RTL4: variants seen among roughly 807,000 people sequenced by gnomAD.
The protein encoded by RTL4 is retrotransposon Gag like 4.
A neutral mutation model predicts 5.3 loss-of-function variants in RTL4; 4 were observed. The observed-to-expected ratio is 0.75, with a 90% CI of 0.37 to 1.72. RTL4 has a LOEUF of 1.72. Among genes scored for constraint, RTL4 ranks in the 40% most tolerant of loss-of-function variants. The pLI is 0.04. For synonymous variants in RTL4, 98 were observed against 87.3 expected (o/e 1.12, Z -0.68); for missense variants, 260 against 227.1 (o/e 1.14, Z -0.93).
chrX:112,424,006 C>T, the RTL4 span, among the ~76,000 whole-genome samples: 8 of 110,988 alleles, frequency 7.2e-5, no homozygotes, highest in East Asian at 2.8e-4. Context: ...TACTCAGTCC[C>T]GATTGCTGAA....
At chrX:112,424,419 TAA>T in the RTL4 span, among the ~76,000 whole-genome samples, 2 of 111,386 alleles carry the variant, frequency 1.8e-5, no homozygotes, top group East Asian at 2.8e-4. Flanking sequence ...ATTGAAAACA[TAA>T]AGTCTGATTA....
At chrX:112,455,082 G>A (rs1266381293) in exon 1 of RTL4, 1 of 1,211,765 alleles carries the variant, frequency 8.3e-7, no homozygotes, top group East Asian at 3.0e-5. Context: ...GGCCTGACAA[G>A]AGTACCTTAC....
chrX:112,392,140 G>A, the RTL4 span, among the ~76,000 whole-genome samples: 1 of 111,722 alleles, frequency 9.0e-6, no homozygotes, highest in African/African-American at 3.3e-5. Flanking sequence ...GGGTAGCAAG[G>A]GCAGTTCCAC....
At chrX:112,198,696 T>C in the RTL4 span, among the ~76,000 whole-genome samples, 1 of 111,422 alleles carries the variant, frequency 9.0e-6, no homozygotes, top group Non-Finnish European at 1.9e-5. Flanking sequence ...TCCCCATCGA[T>C]CTATTTAACT....
chrX:112,264,376 G>A, the RTL4 span, among the ~76,000 whole-genome samples: 1 of 111,254 alleles, frequency 9.0e-6, no homozygotes, highest in Non-Finnish European at 1.9e-5. Context: ...CACACACACT[G>A]TAGGTGCCAA....
the RTL4 span, among the ~76,000 whole-genome samples, chrX:112,421,135 C>T: frequency 9.0e-6 from 1 of 111,395 alleles, no homozygotes; most frequent in African/African-American, 3.3e-5. Flanking sequence ...AACAAGGGCT[C>T]TGTTGTATTT....
At chrX:112,179,437 T>C in the RTL4 span, among the ~76,000 whole-genome samples, 1 of 111,894 alleles carries the variant, frequency 8.9e-6, no homozygotes, top group Admixed American at 9.5e-5. Flanking sequence ...TTGAATTGGC[T>C]ATTTTCCTCT....
chrX:112,162,553 G>A, the RTL4 span, among the ~76,000 whole-genome samples: 1 of 111,583 alleles, frequency 9.0e-6, no homozygotes, highest in African/African-American at 3.3e-5. Flanking sequence ...CCAGCATACT[G>A]TATTTCCTAG....
At chrX:112,313,513 A>C in the RTL4 span, among the ~76,000 whole-genome samples, 1 of 111,276 alleles carries the variant, frequency 9.0e-6, no homozygotes, top group Non-Finnish European at 1.9e-5. Flanking sequence ...ATTTTGACTA[A>C]TATCACTCAG....
chrX:112,267,965 C>T, the RTL4 span, among the ~76,000 whole-genome samples: 1 of 111,493 alleles, frequency 9.0e-6, no homozygotes, highest in Non-Finnish European at 1.9e-5. Context: ...CTCTGCTTCT[C>T]TTCTATACTC....
At chrX:112,171,250 C>T in the RTL4 span, among the ~76,000 whole-genome samples, 4 of 111,282 alleles carry the variant, frequency 3.6e-5, no homozygotes, top group Admixed American at 3.8e-4. Flanking sequence ...GTTTTGGTAG[C>T]AGGATGATAT....
chrX:112,247,136 A>T, the RTL4 span, among the ~76,000 whole-genome samples: 1 of 112,226 alleles, frequency 8.9e-6, no homozygotes, highest in Non-Finnish European at 1.9e-5. Flanking sequence ...ACAAAGAAAC[A>T]AGAAACAGTA....
chrX:112,140,604 A>C, the RTL4 span, among the ~76,000 whole-genome samples: 8 of 110,842 alleles, frequency 7.2e-5, no homozygotes, highest in Non-Finnish European at 1.1e-4. Context: ...TGAAAAGGGC[A>C]AACAGGCTTC....
the RTL4 span, among the ~76,000 whole-genome samples, chrX:112,094,087 G>A: frequency 9.0e-6 from 1 of 111,565 alleles, no homozygotes; most frequent in Admixed American, 9.5e-5. Context: ...GGATTGGTGG[G>A]GAAGAAGAGT....
At chrX:112,115,724 G>A in the RTL4 span, among the ~76,000 whole-genome samples, 1 of 111,746 alleles carries the variant, frequency 8.9e-6, no homozygotes, top group Non-Finnish European at 1.9e-5. Context: ...ACAGAGTTCT[G>A]AAATTTACAG....
chrX:112,355,531 C>G, the RTL4 span, among the ~76,000 whole-genome samples: 1 of 111,371 alleles, frequency 9.0e-6, no homozygotes, highest in Non-Finnish European at 1.9e-5. Flanking sequence ...AAGACTGGAA[C>G]TTTTCTTTCA....
At chrX:112,225,860 T>C in the RTL4 span, among the ~76,000 whole-genome samples, 1 of 112,143 alleles carries the variant, frequency 8.9e-6, no homozygotes, top group African/African-American at 3.2e-5. Context: ...CCCTGGCCCC[T>C]ACCCTGGAGT....
chrX:112,153,858 T>G, the RTL4 span, among the ~76,000 whole-genome samples: 1 of 111,440 alleles, frequency 9.0e-6, no homozygotes, highest in East Asian at 2.8e-4. Flanking sequence ...TTTTTAGATG[T>G]GTGAAGTTAA....
the RTL4 span, among the ~76,000 whole-genome samples, chrX:112,432,925 A>G: frequency 1.1e-3 from 121 of 111,604 alleles, 3 homozygotes; most frequent in Non-Finnish European, 3.2e-4. Flanking sequence ...GTAAGGAAGG[A>G]ATCCAGTTTC....
Sources: allele counts gnomAD v4.1 joint callset (sites outside exome capture counted in the v4.1 genomes callset), GRCh38; gene constraint gnomAD v4.1.1; transcripts MANE v1.5; gene names NCBI Gene and HGNC (gene_info 2026-07-23, HGNC 2026-07-21).